The following RIMS3 variants were observed in gnomAD, a reference collection of about 807,000 sequenced individuals.
RIMS3 encodes regulating synaptic membrane exocytosis 3, also known as regulating synaptic membrane exocytosis protein 3.
A neutral mutation model predicts 29.2 loss-of-function variants in RIMS3; 15 were observed. The ratio of observed to expected loss-of-function variants is 0.51; its 90% confidence interval spans 0.34 to 0.79. The LOEUF (loss-of-function observed/expected upper bound fraction) is 0.79. Ranked by LOEUF, RIMS3 falls within the 30% of genes least tolerant of loss-of-function variation. The probability of loss-of-function intolerance (pLI) is 0.01; values close to 1 mark genes in which losing one functional copy is unlikely to be tolerated. For synonymous variants in RIMS3, 161 were observed against 170.1 expected (o/e 0.95, Z 0.41); for missense variants, 342 against 421.4 (o/e 0.81, Z 1.65).
Position 40,626,473 on chromosome 1 carries a change from G to A in RIMS3, c.*44C>T. 6.6e-7 allele frequency: 1 copy of A among 1,517,142 alleles called. No individual in the cohort carries two copies. The highest frequency in any genetic ancestry group is 9.0e-7 in the Non-Finnish European group (1 of 1,112,628). 94.0% of individuals were successfully genotyped at this position (1,517,142 alleles called of 1,614,324 possible). A position where few individuals can be genotyped will look rare whatever the true frequency, so the allele number is the denominator to read the frequency against. Reference sequence around the variant, plus strand: ...TACAGGGGAGGACATGGGGCCAGCAGGCACCCCTCCCCACACCACCATCCT... The same window carrying A: ...TACAGGGGAGGACATGGGGCCAGCAAGCACCCCTCCCCACACCACCATCCT... On this transcript the variant is annotated 3_prime_UTR_variant, in exon 8 of 8. Transcript: ENST00000372684.
At chr1:40,668,376 C>CA (rs1240660904), upstream of RIMS3, among the ~76,000 whole-genome samples, 1 of 151,026 alleles carries the variant, frequency 6.6e-6, no homozygotes, top group Non-Finnish European at 1.5e-5. Flanking sequence ...GAGCTGTGAT[C>CA]ACGCCACTGC....
chr1:40,632,769 G>T (rs1432104043), intron 5 of RIMS3, among the ~76,000 whole-genome samples: 2 of 152,090 alleles, frequency 1.3e-5, no homozygotes, highest in East Asian at 3.9e-4. Flanking sequence ...GCCAGGCGCT[G>T]TTGGGTGTAA....
intron 1 of RIMS3, among the ~76,000 whole-genome samples, chr1:40,663,641 G>C (rs1480858676): frequency 6.6e-6 from 1 of 152,210 alleles, no homozygotes; most frequent in Non-Finnish European, 1.5e-5. Flanking sequence ...CCAGAGAGTA[G>C]CAGCTTTAGG....
At chr1:40,642,178 G>T (rs1461836048) in intron 2 of RIMS3, among the ~76,000 whole-genome samples, 1 of 152,204 alleles carries the variant, frequency 6.6e-6, no homozygotes, top group African/African-American at 2.4e-5. Context: ...CAGGTGACCG[G>T]TTTGATGGAG....
chr1:40,656,430 A>G (rs192245047), intron 1 of RIMS3, among the ~76,000 whole-genome samples: 2 of 152,332 alleles, frequency 1.3e-5, no homozygotes, highest in African/African-American at 2.4e-5. Context: ...CAATGTTCTG[A>G]GCCTAGCCTG....
intron 1 of RIMS3, among the ~76,000 whole-genome samples, chr1:40,658,044 G>A (rs1373496882): frequency 1.3e-5 from 2 of 152,204 alleles, no homozygotes; most frequent in African/African-American, 4.8e-5. Context: ...TAAAAAAAAT[G>A]TTTATTACCA....
intron 3 of RIMS3, among the ~76,000 whole-genome samples, chr1:40,641,091 G>T (rs1356512053): frequency 6.6e-6 from 1 of 152,230 alleles, no homozygotes; most frequent in Non-Finnish European, 1.5e-5. Flanking sequence ...AACTGCATTT[G>T]TGTGGCTATT....
intron 1 of RIMS3, among the ~76,000 whole-genome samples, chr1:40,649,404 C>A (rs1646616597): frequency 6.6e-6 from 1 of 152,166 alleles, no homozygotes; most frequent in Non-Finnish European, 1.5e-5. Context: ...GTGTACACAC[C>A]TGCAAACACC....
At chr1:40,645,040 C>T (rs565155099) in intron 2 of RIMS3, among the ~76,000 whole-genome samples, 40 of 152,312 alleles carry the variant, frequency 2.6e-4, no homozygotes, top group African/African-American at 9.6e-4. Context: ...GATGAATTAA[C>T]GCCTCATTTT....
intron 4 of RIMS3, among the ~76,000 whole-genome samples, chr1:40,634,564 T>C (rs1485690731): frequency 6.6e-6 from 1 of 152,134 alleles, no homozygotes; most frequent in African/African-American, 2.4e-5. Flanking sequence ...TTGGGTAAGG[T>C]GGCCCACCCT....
chr1:40,627,523 C>T (rs908817011), intron 7 of RIMS3, among the ~76,000 whole-genome samples: 1 of 152,178 alleles, frequency 6.6e-6, no homozygotes, highest in Non-Finnish European at 1.5e-5. Context: ...CCACTGTGCC[C>T]GGCCGTTATT....
rs1036303412 is a variant in RIMS3 at position 40,622,809 on chromosome 1, A to T, written c.*3708T>A. 1.3e-5 allele frequency: 2 copies of T among 152,778 alleles called. No individual in the cohort carries two copies. The highest frequency in any genetic ancestry group is 4.8e-5 in the African/African-American group (2 of 41,456). The allele number at this position is 152,778 out of a possible 1,614,324, so 9.5% of individuals were successfully genotyped here. ...AGGAAGATGGGGAATATGAGGTATT[A>T]GGAGGGCTGGAACCCCAGGGGAAGA... On this transcript the variant is annotated 3_prime_UTR_variant, in exon 8 of 8. Transcript: ENST00000372684.
chr1:40,628,197 G>A (rs764662978), intron 7 of RIMS3, among the ~76,000 whole-genome samples: 1 of 152,226 alleles, frequency 6.6e-6, no homozygotes, highest in Non-Finnish European at 1.5e-5. Context: ...ACCTAGGACT[G>A]AGCCCAGAGA....
the RIMS3 span, among the ~76,000 whole-genome samples, chr1:40,671,063 T>C: frequency 6.6e-6 from 1 of 152,014 alleles, no homozygotes; most frequent in Non-Finnish European, 1.5e-5. Flanking sequence ...TTGAGAGCTA[T>C]GGGGATTTGG....
the RIMS3 span, among the ~76,000 whole-genome samples, chr1:40,686,494 A>G: frequency 2.0e-5 from 3 of 152,070 alleles, no homozygotes; most frequent in Admixed American, 2.0e-4. Context: ...TTCTACTAAA[A>G]AAATACAAAA....
At chr1:40,631,645 C>G (rs538642866) in intron 5 of RIMS3, among the ~76,000 whole-genome samples, 1 of 151,960 alleles carries the variant, frequency 6.6e-6, no homozygotes, top group Non-Finnish European at 1.5e-5. Flanking sequence ...TGCCATTGCA[C>G]TCCAGCCTGG....
At chr1:40,678,874 T>C in the RIMS3 span, among the ~76,000 whole-genome samples, 14 of 152,280 alleles carry the variant, frequency 9.2e-5, no homozygotes, top group African/African-American at 2.4e-4. Context: ...AAACAAGTGA[T>C]TGGAATTTCA....
chr1:40,689,773 CTG>C, the RIMS3 span, among the ~76,000 whole-genome samples: 4 of 152,122 alleles, frequency 2.6e-5, no homozygotes, highest in East Asian at 5.8e-4. Context: ...TATCAATTGA[CTG>C]TTATCAGTTA....
At chr1:40,678,607 C>A in the RIMS3 span, among the ~76,000 whole-genome samples, 6 of 152,154 alleles carry the variant, frequency 3.9e-5, no homozygotes, top group African/African-American at 1.4e-4. Flanking sequence ...TCTTGGGAGG[C>A]AAGCAGTAAG....
Sources: gnomAD v4.1 joint callset for allele counts (sites outside exome capture counted in the v4.1 genomes callset) on GRCh38, gnomAD v4.1.1 for gene constraint, MANE v1.5 for transcripts, NCBI Gene and HGNC (gene_info 2026-07-23, HGNC 2026-07-21) for gene names.